Variants in CFAP263 observed in about 807,000 individuals in gnomAD.
CFAP263 encodes the protein cilia- and flagella-associated protein 263.
chr16:58,255,666 C>G, the CFAP263 span, among the ~76,000 whole-genome samples: 1 of 151,440 alleles, frequency 6.6e-6, no homozygotes, highest in East Asian at 1.9e-4. Context: ...TCACACCATT[C>G]TCCTGCCTCA....
chr16:58,263,559 T>G, the CFAP263 span, among the ~76,000 whole-genome samples: 1 of 152,222 alleles, frequency 6.6e-6, no homozygotes, highest in Non-Finnish European at 1.5e-5. Context: ...GGCTGTGGGC[T>G]TAGGTAGCTC....
the CFAP263 span, chr16:58,279,768 T>TG: frequency 6.2e-7 from 1 of 1,613,474 alleles, no homozygotes; most frequent in Non-Finnish European, 8.5e-7. Flanking sequence ...ATTACCTTGC[T>TG]GGGAAGTAGC....
the CFAP263 span, among the ~76,000 whole-genome samples, chr16:58,256,079 CT>C: frequency 1.3e-5 from 2 of 152,190 alleles, no homozygotes; most frequent in Non-Finnish European, 2.9e-5. Context: ...CTAAAGTTTT[CT>C]ATTTTTCTGT....
At chr16:58,278,569 G>T in the CFAP263 span, 1 of 1,614,228 alleles carries the variant, frequency 6.2e-7, no homozygotes, top group Admixed American at 1.7e-5. Flanking sequence ...TTACGTCCGG[G>T]AGAAGATCTT....
At chr16:58,258,365 C>T in the CFAP263 span, 1 of 1,613,726 alleles carries the variant, frequency 6.2e-7, no homozygotes, top group Non-Finnish European at 8.5e-7. Context: ...CTGACTCCCC[C>T]AGGCGATCAT....
chr16:58,274,718 T>A, the CFAP263 span, among the ~76,000 whole-genome samples: 2 of 152,232 alleles, frequency 1.3e-5, no homozygotes, highest in Non-Finnish European at 2.9e-5. Flanking sequence ...TGTGAGTCAA[T>A]CAAATCTTCT....
chr16:58,259,456 A>C, the CFAP263 span, among the ~76,000 whole-genome samples: 2 of 152,204 alleles, frequency 1.3e-5, no homozygotes, highest in Admixed American at 1.3e-4. Flanking sequence ...AGATTTTTAC[A>C]ACACGTCAAG....
At chr16:58,254,086 A>G in the CFAP263 span, 1 of 1,614,234 alleles carries the variant, frequency 6.2e-7, no homozygotes, top group Non-Finnish European at 8.5e-7. Context: ...CTGGTACAAA[A>G]AGAGGTTGCG....
At chr16:58,256,102 G>A in the CFAP263 span, among the ~76,000 whole-genome samples, 1 of 152,260 alleles carries the variant, frequency 6.6e-6, no homozygotes, top group African/African-American at 2.4e-5. Flanking sequence ...TCTAAATGTG[G>A]GCATTCGCAG....
the CFAP263 span, chr16:58,278,604 C>T: frequency 1.9e-6 from 3 of 1,614,050 alleles, no homozygotes; most frequent in Admixed American, 1.7e-5. Context: ...AGAAGAGCAT[C>T]AGGATGTGGG....
chr16:58,276,863 A>C, the CFAP263 span, among the ~76,000 whole-genome samples: 1 of 152,220 alleles, frequency 6.6e-6, no homozygotes, highest in Admixed American at 6.5e-5. Flanking sequence ...GATCTTCAAG[A>C]TTTATTGAGT....
the CFAP263 span, chr16:58,281,912 G>C: frequency 6.6e-6 from 1 of 152,436 alleles, no homozygotes; most frequent in African/African-American, 2.4e-5. Context: ...GTGCAATCTT[G>C]GCTCACTGCA....
chr16:58,280,520 G>T, the CFAP263 span: 1 of 1,614,180 alleles, frequency 6.2e-7, no homozygotes, highest in Non-Finnish European at 8.5e-7. Flanking sequence ...TATGTCTTCT[G>T]TGTCATGGTG....
chr16:58,271,766 A>C, the CFAP263 span, among the ~76,000 whole-genome samples: 1 of 152,216 alleles, frequency 6.6e-6, no homozygotes, highest in Admixed American at 6.5e-5. Flanking sequence ...TGTCAACATG[A>C]CTCATCATTG....
the CFAP263 span, among the ~76,000 whole-genome samples, chr16:58,264,691 G>T: frequency 6.6e-5 from 10 of 152,130 alleles, no homozygotes; most frequent in Non-Finnish European, 1.3e-4. Context: ...CAATATTGTC[G>T]AATGAACTGC....
the CFAP263 span, chr16:58,254,135 G>A: frequency 8.1e-6 from 13 of 1,614,074 alleles, no homozygotes; most frequent in Middle Eastern, 1.6e-4. Context: ...GGGCAAATGC[G>A]GAACGCGACC....
At chr16:58,256,031 G>A in the CFAP263 span, among the ~76,000 whole-genome samples, 2 of 152,162 alleles carry the variant, frequency 1.3e-5, no homozygotes, top group Non-Finnish European at 2.9e-5. Flanking sequence ...GCATTTGAGA[G>A]CCATGTTGTA....
chr16:58,262,571 C>T, the CFAP263 span: 2 of 1,562,910 alleles, frequency 1.3e-6, no homozygotes, highest in Non-Finnish European at 1.7e-6. Context: ...CAGGGCTCCC[C>T]CAAGGCTTTC....
chr16:58,262,605 G>T, the CFAP263 span: 1 of 1,465,410 alleles, frequency 6.8e-7, no homozygotes. Context: ...CTGGCCACAG[G>T]GAGGTTCTTG....
Sources: gnomAD v4.1 joint callset for allele counts (sites outside exome capture counted in the v4.1 genomes callset) on GRCh38, gnomAD v4.1.1 for gene constraint, MANE v1.5 for transcripts, NCBI Gene and HGNC (gene_info 2026-07-23, HGNC 2026-07-21) for gene names.